The following ALMS1 variants were observed in gnomAD, a reference collection of about 807,000 sequenced individuals.
ALMS1 encodes the protein ALMS1 centrosome and basal body associated protein.
In ALMS1, 271 loss-of-function variants were observed where a neutral mutation model predicts 352.2. The observed-to-expected ratio is 0.77, with a 90% CI of 0.70 to 0.85. The LOEUF (loss-of-function observed/expected upper bound fraction) is 0.85, where lower values mean the gene tolerates loss of function less well. Ranked by LOEUF, ALMS1 falls within the 40% of genes least tolerant of loss-of-function variation. The pLI is 0.00. For missense variants in ALMS1, 5,445 were observed against 4,870.7 expected (o/e 1.12, Z -3.51); for synonymous variants, 1,865 against 1,761.2 (o/e 1.06, Z -1.48).
Position 73,450,529 on chromosome 2 carries a change from C to T in ALMS1, c.4002C>T (p.Tyr1334=). The T allele has an allele frequency of 6.2e-7, 1 of 1,612,938 alleles. No homozygotes were observed. Among genetic ancestry groups the T allele is most frequent in the Non-Finnish European group, 8.5e-7 (1 of 1,179,826 alleles). Reference sequence around the variant, plus strand: ...TACCAATTTTACCCTCTACTTTCTACTCACACACAGAGAAGCCTGGTGTTT... The same window carrying T: ...TACCAATTTTACCCTCTACTTTCTATTCACACACAGAGAAGCCTGGTGTTT... ...TVIPILPSTF[Y]SHTEKPGVFY... Residue 1334 remains tyrosine (Y), a synonymous_variant, in exon 8 of 23, where the codon TAC becomes TAT. Coordinates refer to ENST00000613296, the MANE Select transcript of ALMS1 (RefSeq NM_001378454.1).
At chr2:73,532,354 C>G (rs1673931958) in intron 11 of ALMS1, among the ~76,000 whole-genome samples, 1 of 152,234 alleles carries the variant, frequency 6.6e-6, no homozygotes, top group African/African-American at 2.4e-5. Flanking sequence ...TGGCCCTAGG[C>G]AGGTCCAGAA....
At chr2:73,601,053 A>T in intron 18 of ALMS1, 142 bp from the exon 19 acceptor site, 1 of 1,459,136 alleles carries the variant, frequency 6.9e-7, no homozygotes, top group Non-Finnish European at 9.4e-7. Flanking sequence ...CCCTGCAGCA[A>T]AACCAGACTC....
At chr2:73,437,923 C>G (rs187719249) in intron 7 of ALMS1, among the ~76,000 whole-genome samples, 31 of 152,252 alleles carry the variant, frequency 2.0e-4, no homozygotes, top group Admixed American at 5.2e-4. Flanking sequence ...ATTATTCAAA[C>G]AAGCCAATCA....
intron 12 of ALMS1, among the ~76,000 whole-genome samples, chr2:73,547,132 G>A (rs1674339135): frequency 6.6e-6 from 1 of 152,148 alleles, no homozygotes; most frequent in South Asian, 2.1e-4. Flanking sequence ...AGATGATTCT[G>A]CCCACCTGTA....
chr2:73,474,755 A>G lies in ALMS1; in HGVS notation c.7675-14879A>G, dbSNP rs139586500. 1.7e-4 allele frequency among the ~76,000 whole-genome samples: 26 copies of G among 152,292 alleles called. No homozygotes were observed. In the East Asian group the frequency reaches 4.8e-3, roughly 28 times the overall value. On this transcript the variant is annotated intron_variant, in intron 9 of 22. Coordinates refer to ENST00000613296, the MANE Select transcript of ALMS1 (RefSeq NM_001378454.1). The stretch of plus-strand genomic sequence containing the variant: ...TAGCATCTGGAAATCAGTAAAAGAC[A>G]TATTTTAGCTAACCAGTAATTTCAT...
At chr2:73,455,346 T>C in intron 9 of ALMS1, 51 bp downstream of exon 9, 1 of 1,605,848 alleles carries the variant, frequency 6.2e-7, no homozygotes, top group Non-Finnish European at 8.5e-7. Flanking sequence ...GAATGGGTGA[T>C]GGAATTAGGA....
chr2:73,535,016 C>G, intron 12 of ALMS1, 67 bp downstream of exon 12: 1 of 1,593,692 alleles, frequency 6.3e-7, no homozygotes, highest in Admixed American at 1.7e-5. Flanking sequence ...CTAGTTGATT[C>G]TGGAGTGACA....
intron 9 of ALMS1, among the ~76,000 whole-genome samples, chr2:73,465,640 G>A (rs1384830198): frequency 2.0e-5 from 3 of 152,004 alleles, no homozygotes; most frequent in Non-Finnish European, 1.5e-5. Flanking sequence ...TGACAAATGG[G>A]ATCTAATTAA....
In ALMS1 at chr2:73,572,597, A is replaced by G; in HGVS notation, c.10720A>G (p.Asn3574Asp). 1 of 1,613,942 alleles carries G rather than the reference A, an allele frequency of 6.2e-7. No homozygotes were observed. The highest frequency in any genetic ancestry group is 1.7e-5 in the Admixed American group (1 of 59,980). Residue 3574 changes from asparagine to aspartate, a missense_variant, in exon 16 of 23, where the codon AAT (asparagine) becomes GAT (aspartate). By Grantham distance (23) the Asn-to-Asp change is conservative. Coordinates refer to ENST00000613296, the MANE Select transcript of ALMS1 (RefSeq NM_001378454.1). ...KSQVRDYPKH[N>D]GQISDPQRDQ... ...TCAAGTTAGAGATTATCCAAAACAT[A>G]ATGGACAAATTAGTGATCCACAAAG...
chr2:73,412,850 T>C (rs367906808), intron 2 of ALMS1, among the ~76,000 whole-genome samples: 1 of 152,004 alleles, frequency 6.6e-6, no homozygotes, highest in East Asian at 1.9e-4. Flanking sequence ...AGTGATAAGG[T>C]AATTGTATGT....
At chr2:73,541,497 G>T (rs560069151) in intron 12 of ALMS1, among the ~76,000 whole-genome samples, 22 of 152,288 alleles carry the variant, frequency 1.4e-4, no homozygotes, top group South Asian at 2.1e-4. Context: ...TCAAAAGCTA[G>T]CAGAAGGCAA....
At chr2:73,485,412 TGAG>T (rs1489729615) in intron 9 of ALMS1, among the ~76,000 whole-genome samples, 6 of 152,220 alleles carry the variant, frequency 3.9e-5, no homozygotes, top group East Asian at 1.9e-4. Context: ...GGGACCCACT[TGAG>T]GAGGCAGTCT....
intron 11 of ALMS1, among the ~76,000 whole-genome samples, chr2:73,528,126 C>G (rs1303253083): frequency 3.3e-5 from 5 of 152,040 alleles, no homozygotes; most frequent in African/African-American, 9.7e-5. Context: ...GATATAATTA[C>G]AATTATTTTT....
At chr2:73,595,812 T>G (rs1465239396) in intron 16 of ALMS1, among the ~76,000 whole-genome samples, 1 of 152,226 alleles carries the variant, frequency 6.6e-6, no homozygotes, top group African/African-American at 2.4e-5. Context: ...GTCCACCTTT[T>G]TATTTATAGC....
At chr2:73,426,665 C>T in intron 6 of ALMS1, 112 bp downstream of exon 6, 1 of 1,086,594 alleles carries the variant, frequency 9.2e-7, no homozygotes, top group Non-Finnish European at 1.4e-6. Context: ...GGGTACATGA[C>T]CAATGTCATT....
At chr2:73,482,396 A>C (rs1380891425) in intron 9 of ALMS1, among the ~76,000 whole-genome samples, 1 of 151,628 alleles carries the variant, frequency 6.6e-6, no homozygotes, top group Non-Finnish European at 1.5e-5. Flanking sequence ...ATTTGCATAT[A>C]TTGAACCAGC....
intron 7 of ALMS1, among the ~76,000 whole-genome samples, chr2:73,441,049 G>A (rs1469550864): frequency 6.6e-6 from 1 of 152,170 alleles, no homozygotes; most frequent in African/African-American, 2.4e-5. Flanking sequence ...TGCTGTGTGG[G>A]AAGGGGGAGA....
chr2:73,495,687 A>C (rs775298037), intron 10 of ALMS1, among the ~76,000 whole-genome samples: 1 of 152,106 alleles, frequency 6.6e-6, no homozygotes, highest in East Asian at 1.9e-4. Context: ...TTGTAAATTT[A>C]TGTGTATACT....
In ALMS1 at chr2:73,535,421, C is replaced by T. The variant is rs544868431; in HGVS notation, c.9907+472C>T. ...GTTCATAAATAACAATGATGACTTACTAATGACATATGTGTAGCTGTTGGA... is the reference window on the plus strand; with the variant it reads ...GTTCATAAATAACAATGATGACTTATTAATGACATATGTGTAGCTGTTGGA... On this transcript the variant is annotated intron_variant, in intron 12 of 22. Transcript: ENST00000613296. Among the ~76,000 whole-genome samples the T allele has an allele frequency of 9.2e-5, 14 of 152,224 alleles. No individual in the cohort carries two copies. The South Asian group carries it at 2.9e-3, about 32-fold the overall frequency.
Sources: allele counts gnomAD v4.1 joint callset (sites outside exome capture counted in the v4.1 genomes callset), GRCh38; gene constraint gnomAD v4.1.1; transcripts MANE v1.5; gene names NCBI Gene and HGNC (gene_info 2026-07-23, HGNC 2026-07-21).